The following NHLRC2 variants were observed in gnomAD, a reference collection of about 807,000 sequenced individuals.
NHLRC2 encodes the protein NHL repeat containing 2, also known as NHL repeat-containing protein 2.
Under a neutral mutation model 68.1 loss-of-function variants are expected in NHLRC2, and 33 were observed. That is an observed-to-expected ratio of 0.48 (90% CI 0.37 to 0.65). The LOEUF (loss-of-function observed/expected upper bound fraction) is 0.65, where lower values mean the gene tolerates loss of function less well. Among genes scored for constraint, NHLRC2 ranks in the 30% least tolerant of loss-of-function variants. The pLI, the probability that NHLRC2 is intolerant of heterozygous loss-of-function variation, is 0.00. For synonymous variants in NHLRC2, 311 were observed against 309.6 expected (o/e 1.00, Z -0.05); for missense variants, 761 against 853.8 (o/e 0.89, Z 1.35).
chr10:113,860,680 T>TA (rs1431695719), intron 2 of NHLRC2, among the ~76,000 whole-genome samples: 2 of 152,050 alleles, frequency 1.3e-5, no homozygotes, highest in Admixed American at 6.5e-5. Flanking sequence ...GAAAAAGTTT[T>TA]AAAAAAACAA....
At chr10:113,856,120 T>C (rs78647851) in intron 1 of NHLRC2, among the ~76,000 whole-genome samples, 1 of 152,352 alleles carries the variant, frequency 6.6e-6, no homozygotes, top group East Asian at 1.9e-4. Flanking sequence ...TGTGAGCTTT[T>C]GGAGCATGAA....
Position 113,867,582 on chromosome 10 carries a change from A to T in NHLRC2, c.331+8902A>T, listed in dbSNP as rs577618759. Among the ~76,000 whole-genome samples the T allele has an allele frequency of 1.1e-4, 16 of 152,238 alleles. 1 individual carries two copies. The highest frequency in any genetic ancestry group is 1.0e-3 in the Admixed American group (16 of 15,296). Reference sequence around the variant, plus strand: ...TCTCATCCTTCCTCAAGGCTGTTCTAGCCTCCCTGGCTTTCCTTCAGTTCC... The same window carrying T: ...TCTCATCCTTCCTCAAGGCTGTTCTTGCCTCCCTGGCTTTCCTTCAGTTCC... On this transcript the variant is annotated intron_variant, in intron 2 of 10. Transcript: ENST00000369301.
rs143812226 is a variant in NHLRC2, at chr10:113,903,043, A to T, written c.1494+450A>T. On this transcript the variant is annotated intron_variant, in intron 8 of 10. Coordinates refer to ENST00000369301, the MANE Select transcript of NHLRC2 (RefSeq NM_198514.4). ...TTATTGCATTTTTACTTTTTACAAA[A>T]ATCAGTGGATAATAAATGTTCATGC... Among the ~76,000 whole-genome samples the T allele has an allele frequency of 8.3e-4, 127 of 152,324 alleles. 2 individuals carry two copies. Among genetic ancestry groups the T allele is most frequent in the African/African-American group, 2.6e-3 (107 of 41,568 alleles).
At position 113,908,889 on chromosome 10, in the gene NHLRC2, T is replaced by C. The variant is rs1185464092; in HGVS notation, c.*353T>C. 1 of 179,900 alleles carries C rather than the reference T, an allele frequency of 5.6e-6. No homozygotes were observed. The highest frequency in any genetic ancestry group is 1.2e-5 in the Non-Finnish European group (1 of 85,228). The allele number at this position is 179,900 out of a possible 1,614,324, so 11.1% of individuals were successfully genotyped here. ...AATAATACCAGATATTTTAACTAACTTTTTCTACCTTTATTAATAGCAATC... is the reference window on the plus strand; with the variant it reads ...AATAATACCAGATATTTTAACTAACCTTTTCTACCTTTATTAATAGCAATC... On this transcript the variant is annotated 3_prime_UTR_variant, in exon 11 of 11. Transcript: ENST00000369301.
intron 6 of NHLRC2, among the ~76,000 whole-genome samples, chr10:113,900,480 A>G (rs911920587): frequency 1.3e-5 from 2 of 152,278 alleles, no homozygotes; most frequent in East Asian, 3.9e-4. Flanking sequence ...CTCCTTCTTA[A>G]TAGGAAATTG....
intron 5 of NHLRC2, among the ~76,000 whole-genome samples, chr10:113,890,477 C>T (rs975983514): frequency 1.3e-5 from 2 of 151,992 alleles, no homozygotes; most frequent in African/African-American, 4.8e-5. Flanking sequence ...TAAGAATTAT[C>T]CTGCTTGGAG....
At chr10:113,879,806 TG>T in intron 4 of NHLRC2, 111 bp downstream of exon 4, 1 of 667,544 alleles carries the variant, frequency 1.5e-6, no homozygotes, top group Non-Finnish European at 2.4e-6. Flanking sequence ...TCAATGTCCT[TG>T]TTCTGCTTTT....
intron 2 of NHLRC2, among the ~76,000 whole-genome samples, chr10:113,869,877 T>C (rs1845905979): frequency 6.6e-6 from 1 of 152,242 alleles, no homozygotes; most frequent in Non-Finnish European, 1.5e-5. Flanking sequence ...CCCTTCAGGC[T>C]GTCTTCTGTG....
At chr10:113,874,847 A>G (rs567185895) in intron 2 of NHLRC2, among the ~76,000 whole-genome samples, 3 of 152,096 alleles carry the variant, frequency 2.0e-5, no homozygotes, top group African/African-American at 7.2e-5. Flanking sequence ...TGCCAATGAG[A>G]TCATCCAGTG....
chr10:113,872,498 C>G (rs561774765), intron 2 of NHLRC2, among the ~76,000 whole-genome samples: 8 of 151,766 alleles, frequency 5.3e-5, no homozygotes, highest in Non-Finnish European at 1.0e-4. Flanking sequence ...ACTGTAACAC[C>G]TTGCTTCATA....
At position 113,913,613 on chromosome 10, in the gene NHLRC2, A is replaced by C. The variant is rs949517069; in HGVS notation, c.*5077A>C. The C allele has an allele frequency of 2.6e-5, 4 of 152,188 alleles. No individual in the cohort carries two copies. Among genetic ancestry groups the C allele is most frequent in the East Asian group, 3.8e-4 (2 of 5,196 alleles). The allele number at this position is 152,188 out of a possible 1,614,324, so 9.4% of individuals were successfully genotyped here. A position where few individuals can be genotyped will look rare whatever the true frequency, so the allele number is the denominator to read the frequency against. ...CCTTATCATAAAGAGCCTTTTGCAC[A>C]GGACTATCTCAAACCCTAAGAAGCT... On this transcript the variant is annotated 3_prime_UTR_variant, in exon 11 of 11. Transcript: ENST00000369301.
Position 113,911,059 on chromosome 10 carries a change from T to C in NHLRC2, c.*2523T>C, listed in dbSNP as rs2134746809. On this transcript the variant is annotated 3_prime_UTR_variant, in exon 11 of 11. Coordinates refer to ENST00000369301, the MANE Select transcript of NHLRC2 (RefSeq NM_198514.4). ...AAGGACTAATGCATATTTTTTATCT[T>C]TTGCTTTTCTTGTTGGATAAATTAT... 1 of 152,312 alleles carries C rather than the reference T, an allele frequency of 6.6e-6. No individual in the cohort carries two copies. The highest frequency in any genetic ancestry group is 2.1e-4 in the South Asian group (1 of 4,826). 9.4% of individuals were successfully genotyped at this position (152,312 alleles called of 1,614,324 possible). A position where few individuals can be genotyped will look rare whatever the true frequency, so the allele number is the denominator to read the frequency against.
chr10:113,901,611 A>C (rs538586948), intron 6 of NHLRC2, 55 bp from the exon 7 acceptor site: 2 of 1,108,550 alleles, frequency 1.8e-6, no homozygotes. Flanking sequence ...TTTAAGAACT[A>C]AATTGCACAC....
At chr10:113,864,984 C>G (rs1409877392) in intron 2 of NHLRC2, among the ~76,000 whole-genome samples, 1 of 150,982 alleles carries the variant, frequency 6.6e-6, no homozygotes, top group African/African-American at 2.4e-5. Context: ...GAGTCTTGCT[C>G]TGTCGCCCAG....
At position 113,879,686 on chromosome 10, in the gene NHLRC2, T is replaced by G; in HGVS notation, c.900T>G (p.Leu300=). 1 of 1,479,074 alleles carries G rather than the reference T, an allele frequency of 6.8e-7. No homozygotes were observed. Among genetic ancestry groups the G allele is most frequent in the East Asian group, 2.4e-5 (1 of 42,184 alleles). 91.6% of individuals were successfully genotyped at this position (1,479,074 alleles called of 1,614,324 possible). A position where few individuals can be genotyped will look rare whatever the true frequency, so the allele number is the denominator to read the frequency against. ...ATGTGGCAGACACTGAAAACCACCT[T>G]ATAAGAAAGGTAATTTTCATTTTAA... ...IIYVADTENH[L]IRKIDLEAEK... Residue 300 remains leucine (L), a synonymous_variant, in exon 4 of 11, where the codon CTT becomes CTG. Coordinates refer to ENST00000369301, the MANE Select transcript of NHLRC2 (RefSeq NM_198514.4).
chr10:113,886,007 C>T (rs1408056577), intron 5 of NHLRC2, among the ~76,000 whole-genome samples: 2 of 151,768 alleles, frequency 1.3e-5, no homozygotes. Flanking sequence ...ATGACTCTAC[C>T]AAAAGACTAT....
intron 10 of NHLRC2, among the ~76,000 whole-genome samples, chr10:113,907,184 G>A (rs73347521): frequency 2.0e-5 from 3 of 152,022 alleles, no homozygotes; most frequent in Non-Finnish European, 2.9e-5. Flanking sequence ...TTTCACCTTC[G>A]TACTCTTATT....
chr10:113,865,990 T>G (rs946277909), intron 2 of NHLRC2, among the ~76,000 whole-genome samples: 2 of 152,246 alleles, frequency 1.3e-5, no homozygotes, highest in African/African-American at 2.4e-5. Context: ...TTTGGCAGTA[T>G]ATTTAAAATT....
intron 3 of NHLRC2, among the ~76,000 whole-genome samples, chr10:113,877,329 T>G (rs2134707893): frequency 6.6e-6 from 1 of 152,124 alleles, no homozygotes; most frequent in East Asian, 1.9e-4. Context: ...TAAGTAGAAG[T>G]ATTATGTTTC....
Sources: allele counts gnomAD v4.1 joint callset (sites outside exome capture counted in the v4.1 genomes callset), GRCh38; gene constraint gnomAD v4.1.1; transcripts MANE v1.5; gene names NCBI Gene and HGNC (gene_info 2026-07-23, HGNC 2026-07-21).